KLF12: variants seen among roughly 807,000 people sequenced by gnomAD.
KLF12 encodes KLF transcription factor 12.
In KLF12, 9 loss-of-function variants were observed where a neutral mutation model predicts 37.8. That is an observed-to-expected ratio of 0.24 (90% CI 0.14 to 0.42). The LOEUF (loss-of-function observed/expected upper bound fraction) is 0.42, where lower values mean the gene tolerates loss of function less well. Among genes scored for constraint, KLF12 ranks in the 10% least tolerant of loss-of-function variants. KLF12 has a pLI of 1.00. For missense variants in KLF12, 411 were observed against 516.0 expected, an observed-to-expected ratio of 0.80 and a Z score of 1.97; for synonymous variants, 208 against 202.1, an observed-to-expected ratio of 1.03 and a Z score of -0.25.
intron 1 of KLF12, among the ~76,000 whole-genome samples, chr13:74,036,643 C>G (rs1440784711): frequency 6.6e-6 from 1 of 152,202 alleles, no homozygotes; most frequent in African/African-American, 2.4e-5. Context: ...TCTGCCCTAA[C>G]AGACATTCAC....
intron 1 of KLF12, among the ~76,000 whole-genome samples, chr13:74,083,294 C>G (rs1182360908): frequency 2.6e-5 from 4 of 152,180 alleles, no homozygotes; most frequent in Non-Finnish European, 1.5e-5. Context: ...AGGCGGATCA[C>G]TTGAGCCCAG....
the KLF12 span, among the ~76,000 whole-genome samples, chr13:74,188,725 G>A: frequency 3.3e-5 from 5 of 152,290 alleles, no homozygotes; most frequent in African/African-American, 1.2e-4. Flanking sequence ...GCCAGGCGTG[G>A]TGGCTCACAC....
chr13:73,778,133 C>CA (rs781127764), intron 5 of KLF12, among the ~76,000 whole-genome samples: 1,407 of 95,232 alleles, frequency 0.015, 22 homozygotes, highest in African/African-American at 0.043. Flanking sequence ...AAACTCTGTC[C>CA]AAAAAAAAAA....
At position 73,980,044 on chromosome 13, in the gene KLF12, T is replaced by C. The variant is rs137872139; in HGVS notation, c.33+14946A>G. Reference sequence around the variant, plus strand: ...CTGCTGAGACCTTATCTTGGACTTCTAGCCCTCAGAAATGTGAGAAAATAA... The same window carrying C: ...CTGCTGAGACCTTATCTTGGACTTCCAGCCCTCAGAAATGTGAGAAAATAA... On this transcript the variant is annotated intron_variant, in intron 2 of 7. Transcript: ENST00000377669. Among the ~76,000 whole-genome samples the C allele has an allele frequency of 9.1e-3, 1,389 of 152,318 alleles. 17 individuals carry two copies. The highest frequency in any genetic ancestry group is 0.012 in the Non-Finnish European group (807 of 68,026).
the KLF12 span, among the ~76,000 whole-genome samples, chr13:74,194,786 T>C: frequency 1.3e-5 from 2 of 152,240 alleles, no homozygotes; most frequent in Non-Finnish European, 2.9e-5. Context: ...TGGTTTGAGA[T>C]AGATGTCACT....
chr13:73,949,207 T>G (rs1890555732), intron 2 of KLF12, among the ~76,000 whole-genome samples: 1 of 152,156 alleles, frequency 6.6e-6, no homozygotes, highest in African/African-American at 2.4e-5. Flanking sequence ...GTCCACTCAC[T>G]TACCTTTCTC....
chr13:73,875,295 T>C (rs1488584723), intron 3 of KLF12, among the ~76,000 whole-genome samples: 2 of 152,166 alleles, frequency 1.3e-5, no homozygotes, highest in Non-Finnish European at 2.9e-5. Flanking sequence ...AAGACCAGTT[T>C]GACAGCTTCC....
At chr13:73,923,984 T>A (rs1288766876) in intron 3 of KLF12, among the ~76,000 whole-genome samples, 1 of 152,210 alleles carries the variant, frequency 6.6e-6, no homozygotes, top group Non-Finnish European at 1.5e-5. Context: ...GGGTAAAACA[T>A]GAATTTTTCA....
chr13:73,724,451 G>C (rs1007010488), intron 6 of KLF12, among the ~76,000 whole-genome samples: 35 of 152,128 alleles, frequency 2.3e-4, no homozygotes, highest in African/African-American at 8.0e-4. Flanking sequence ...ATATAAATCA[G>C]ACCAAGTAGA....
rs555570279 is a variant in KLF12 at position 74,032,689 on chromosome 13, T to C, written c.-31-37636A>G. 5.9e-5 allele frequency among the ~76,000 whole-genome samples: 9 copies of C among 152,292 alleles called. No individual in the cohort carries two copies. The South Asian group carries it at 1.0e-3, about 18-fold the overall frequency. ...ATATTTTCATCTGAACTTTGTAATT[T>C]ACCACCTGATCATATAACTATCTTA... On this transcript the variant is annotated intron_variant, in intron 1 of 7. Transcript: ENST00000377669.
intron 7 of KLF12, among the ~76,000 whole-genome samples, chr13:73,704,484 C>A (rs1246260678): frequency 1.3e-5 from 2 of 152,196 alleles, no homozygotes; most frequent in African/African-American, 2.4e-5. Context: ...ATTACATCTG[C>A]CAGTTCTGCC....
intron 5 of KLF12, among the ~76,000 whole-genome samples, chr13:73,774,367 A>G (rs555295192): frequency 1.3e-5 from 2 of 151,960 alleles, no homozygotes; most frequent in African/African-American, 4.8e-5. Context: ...AGAGAAGGTG[A>G]CTGAAAAATG....
intron 2 of KLF12, among the ~76,000 whole-genome samples, chr13:73,994,788 GA>G (rs998383757): frequency 3.0e-4 from 46 of 152,020 alleles, no homozygotes; most frequent in African/African-American, 1.0e-3. Context: ...AGACTTGCAG[GA>G]AAAAAATGAG....
intron 2 of KLF12, among the ~76,000 whole-genome samples, chr13:73,947,519 T>C (rs770155948): frequency 6.6e-6 from 1 of 151,614 alleles, no homozygotes; most frequent in Non-Finnish European, 1.5e-5. Flanking sequence ...GGCATTGTGG[T>C]GGGCGCCTGT....
chr13:73,958,634 T>C (rs1304855782), intron 2 of KLF12, among the ~76,000 whole-genome samples: 1 of 152,152 alleles, frequency 6.6e-6, no homozygotes, highest in African/African-American at 2.4e-5. Context: ...ATTACATATG[T>C]GGATTGTATT....
At chr13:74,032,731 T>C (rs1893146860) in intron 1 of KLF12, among the ~76,000 whole-genome samples, 1 of 152,050 alleles carries the variant, frequency 6.6e-6, no homozygotes, top group Non-Finnish European at 1.5e-5. Context: ...GATTACCTCT[T>C]CCTGAAGTTT....
intron 6 of KLF12, among the ~76,000 whole-genome samples, chr13:73,738,068 T>TATATATATATATATATAC (rs1877604418): frequency 6.9e-6 from 1 of 144,702 alleles, no homozygotes; most frequent in Non-Finnish European, 1.5e-5. Flanking sequence ...TATATATATA[T>TATATATATATATATATAC]ACACACACAT....
chr13:74,129,345 C>A (rs1371429705), intron 1 of KLF12, among the ~76,000 whole-genome samples: 1 of 152,244 alleles, frequency 6.6e-6, no homozygotes, highest in East Asian at 1.9e-4. Flanking sequence ...ATAAAGAGGG[C>A]CAACTGTATA....
intron 4 of KLF12, among the ~76,000 whole-genome samples, chr13:73,814,525 A>G (rs934510171): frequency 5.3e-5 from 8 of 152,228 alleles, no homozygotes; most frequent in Non-Finnish European, 8.8e-5. Context: ...CTTGGTTAGG[A>G]AAGAATTTAC....
Sources: gnomAD v4.1 joint callset for allele counts (sites outside exome capture counted in the v4.1 genomes callset) on GRCh38, gnomAD v4.1.1 for gene constraint, MANE v1.5 for transcripts, NCBI Gene and HGNC (gene_info 2026-07-23, HGNC 2026-07-21) for gene names.